The following SOX8 variants were observed in gnomAD, a reference collection of about 807,000 sequenced individuals.
SOX8 encodes the protein transcription factor SOX-8.
SOX8 carries 9 observed loss-of-function variants against 22.9 expected under a neutral mutation model. The observed-to-expected ratio is 0.39, with a 90% CI of 0.24 to 0.69. The LOEUF is 0.69. Ranked by LOEUF, SOX8 falls within the 30% of genes least tolerant of loss-of-function variation. The pLI, the probability that SOX8 is intolerant of heterozygous loss-of-function variation, is 0.43. For synonymous variants in SOX8, 416 were observed against 330.6 expected (o/e 1.26, Z -2.80); for missense variants, 734 against 699.4 (o/e 1.05, Z -0.56).
chr16:984,438 T>C (rs1359462972), intron 2 of SOX8, among the ~76,000 whole-genome samples: 3 of 152,212 alleles, frequency 2.0e-5, no homozygotes, highest in Non-Finnish European at 4.4e-5. Context: ...CTGGCCAGGC[T>C]GGGCCTGTCG....
At position 985,188 on chromosome 16, in the gene SOX8, C is replaced by A; in HGVS notation, c.1143C>A (p.Gly381=). The A allele has an allele frequency of 6.2e-7, 1 of 1,611,238 alleles. No individual in the cohort carries two copies. Among genetic ancestry groups the A allele is most frequent in the Non-Finnish European group, 8.5e-7 (1 of 1,179,260 alleles). ...CCGGCCCCTTCGCCGGCTCACAGGG[C>A]GACTATGGCGACCTGCAGGCCTCCA... is the stretch of plus-strand genomic sequence containing the variant. ...APAGPFAGSQ[G]DYGDLQASSY... is the part of the protein sequence containing the mutation. Residue 381 remains glycine, a synonymous_variant, in exon 3 of 3, where the codon GGC becomes GGA. Coordinates refer to ENST00000293894, the MANE Select transcript of SOX8 (RefSeq NM_014587.5).
chr16:986,638 C>T lies in SOX8; in HGVS notation c.*1252C>T, dbSNP rs1205075841. 6.6e-6 allele frequency: 1 copy of T among 152,504 alleles called. No homozygotes were observed. The highest frequency in any genetic ancestry group is 1.5e-5 in the Non-Finnish European group (1 of 68,058). The allele number at this position is 152,504 out of a possible 1,614,324, so 9.4% of individuals were successfully genotyped here. ...TACCTGATTCACCTGCACTGCTTCCCCTGTGTGCTGAGCATAGAGCATACA... is the reference window on the plus strand; with the variant it reads ...TACCTGATTCACCTGCACTGCTTCCTCTGTGTGCTGAGCATAGAGCATACA... On this transcript the variant is annotated 3_prime_UTR_variant, in exon 3 of 3. Coordinates refer to ENST00000293894, the MANE Select transcript of SOX8 (RefSeq NM_014587.5).
rs1285756042 is a variant in SOX8, at chr16:982,053, G to A, written c.131G>A (p.Arg44His). The change falls in exon 1 of 3, where the codon CGC (arginine) becomes CAC (histidine). Residue 44 changes from arginine to histidine, a missense_variant. Transcript: ENST00000293894. ...CCCGCCGGCTCCGAGGGCCTGGGCC[G>A]CGCGGGGGTCGCGGTGGGGGGCGCC... The part of the protein sequence containing the change: ...PSPAGSEGLG[R>H]AGVAVGGARG... 1.5e-6 allele frequency: 2 copies of A among 1,299,856 alleles called. No individual in the cohort carries two copies. Among genetic ancestry groups the A allele is most frequent in the South Asian group, 2.5e-5 (1 of 40,420 alleles). The allele number at this position is 1,299,856 out of a possible 1,614,324, so 80.5% of individuals were successfully genotyped here.
chr16:984,137 C>T (rs2073433421), intron 2 of SOX8, among the ~76,000 whole-genome samples, 177 bp downstream of exon 2: 1 of 152,190 alleles, frequency 6.6e-6, no homozygotes, highest in African/African-American at 2.4e-5. Flanking sequence ...TTTTGGTGCA[C>T]GAGGGACCTG....
At position 985,211 on chromosome 16, in the gene SOX8, C is replaced by T; in HGVS notation, c.1166C>T (p.Ser389Phe). 1 of 1,611,998 alleles carries T rather than the reference C, an allele frequency of 6.2e-7. No individual in the cohort carries two copies. Among genetic ancestry groups the T allele is most frequent in the Non-Finnish European group, 8.5e-7 (1 of 1,179,556 alleles). Residue 389 changes from serine to phenylalanine, a missense_variant, in exon 3 of 3, where the codon TCC becomes TTC. Ser to Phe is a radical substitution (Grantham distance 155, BLOSUM62 -2). Around this residue, in one of 3 missense-constraint regions of SOX8, gnomAD observed 588 missense variants for 568.2 expected, o/e 1.03. Coordinates refer to ENST00000293894, the MANE Select transcript of SOX8 (RefSeq NM_014587.5). Reference sequence around the variant, plus strand: ...GGCGACTATGGCGACCTGCAGGCCTCCAGCTACTATGGTGCCTACCCTGGC... The same window carrying T: ...GGCGACTATGGCGACCTGCAGGCCTTCAGCTACTATGGTGCCTACCCTGGC... ...SQGDYGDLQASSYYGAYPGYA... is the reference protein window; with the variant it reads ...SQGDYGDLQAFSYYGAYPGYA...
rs1025737505 is a variant in SOX8 at position 986,286 on chromosome 16, C to T, written c.*900C>T. On this transcript the variant is annotated 3_prime_UTR_variant, in exon 3 of 3. Coordinates refer to ENST00000293894, the MANE Select transcript of SOX8 (RefSeq NM_014587.5). The stretch of plus-strand genomic sequence containing the variant: ...CCCCTCATGCCTCGAGCTTGGCAAC[C>T]GAAAACCCGAGGGAGGAGAAGGGAC... The T allele has an allele frequency of 5.3e-5, 8 of 152,220 alleles. No individual in the cohort carries two copies. The highest frequency in any genetic ancestry group is 2.0e-4 in the Admixed American group (3 of 15,282). 9.4% of individuals were successfully genotyped at this position (152,220 alleles called of 1,614,324 possible). A position where few individuals can be genotyped will look rare whatever the true frequency, so the allele number is the denominator to read the frequency against.
rs1398150964 is a variant in SOX8 at position 982,059 on chromosome 16, G to A, written c.137G>A (p.Gly46Glu). The change falls in exon 1 of 3, where the codon GGG becomes GAG. Residue 46 changes from glycine to glutamate, a missense_variant. By Grantham distance (98) the Gly-to-Glu change is moderately conservative. Around this residue, in one of 3 missense-constraint regions of SOX8, gnomAD observed 139 missense variants for 109.1 expected, o/e 1.27. Transcript: ENST00000293894. ...GGCTCCGAGGGCCTGGGCCGCGCGGGGGTCGCGGTGGGGGGCGCCCGGGGC... is the reference window on the plus strand; with the variant it reads ...GGCTCCGAGGGCCTGGGCCGCGCGGAGGTCGCGGTGGGGGGCGCCCGGGGC... ...PAGSEGLGRAGVAVGGARGDP... is the reference protein window; with the variant it reads ...PAGSEGLGRAEVAVGGARGDP... 2 of 1,295,672 alleles carry A rather than the reference G, an allele frequency of 1.5e-6. No individual in the cohort carries two copies. The highest frequency in any genetic ancestry group is 4.2e-5 in the Admixed American group (1 of 23,784). 80.3% of individuals were successfully genotyped at this position (1,295,672 alleles called of 1,614,324 possible).
At position 981,957 on chromosome 16, in the gene SOX8, C is replaced by T. The variant is rs1202051356; in HGVS notation, c.35C>T (p.Pro12Leu). The change falls in exon 1 of 3, where the codon CCC (proline) becomes CTC (leucine). Residue 12 changes from proline to leucine, a missense_variant. Coordinates refer to ENST00000293894, the MANE Select transcript of SOX8 (RefSeq NM_014587.5). ...LDMSEARSQP[P>L]CSPSGTASSM... is the part of the protein sequence containing the mutation. ...ATGAGCGAGGCCCGCTCCCAGCCGCCCTGCAGCCCGTCCGGCACCGCCAGC... is the reference window on the plus strand; with the variant it reads ...ATGAGCGAGGCCCGCTCCCAGCCGCTCTGCAGCCCGTCCGGCACCGCCAGC... 2 of 1,434,460 alleles carry T rather than the reference C, an allele frequency of 1.4e-6. No homozygotes were observed. The highest frequency in any genetic ancestry group is 3.0e-5 in the African/African-American group (2 of 67,396). The allele number at this position is 1,434,460 out of a possible 1,614,324, so 88.9% of individuals were successfully genotyped here.
intron 1 of SOX8, chr16:982,626 G>T (rs2073409884): frequency 2.9e-6 from 1 of 349,574 alleles, no homozygotes; most frequent in Admixed American, 4.8e-5. Flanking sequence ...TCCTGGCGGG[G>T]AACACCCTGC....
chr16:984,817 A>G lies in SOX8; in HGVS notation c.772A>G (p.Asn258Asp). 6.2e-7 allele frequency: 1 copy of G among 1,612,038 alleles called. No homozygotes were observed. Among genetic ancestry groups the G allele is most frequent in the Non-Finnish European group, 8.5e-7 (1 of 1,179,522 alleles). Residue 258 changes from asparagine (N) to aspartate (D), a missense_variant, in exon 3 of 3, where the codon AAC (asparagine) becomes GAC (aspartate). This residue lies in a region of SOX8 where 588 missense variants were observed against 568.2 expected (regional missense o/e 1.03). Transcript: ENST00000293894. Reference protein sequence around the residue: ...GRRPVDSGRQNIDFSNVDISE... With the variant: ...GRRPVDSGRQDIDFSNVDISE... ...CCGGCCGGTGGACAGCGGGCGCCAG[A>G]ACATCGACTTCAGCAACGTGGACAT...
intron 2 of SOX8, 49 bp from the exon 3 acceptor site, chr16:984,652 G>A (rs759142028): frequency 3.9e-5 from 43 of 1,109,456 alleles, no homozygotes; most frequent in Middle Eastern, 2.9e-4. Context: ...GGCCCCACCC[G>A]CCCCACAGAA....
At chr16:984,668 A>G (rs2073438286) in intron 2 of SOX8, 33 bp from the exon 3 acceptor site, 1 of 1,361,576 alleles carries the variant, frequency 7.3e-7, no homozygotes, top group African/African-American at 1.5e-5. Context: ...CAGAAGGGGC[A>G]TTCATCCCTG....
chr16:981,867 C>A lies in SOX8; in HGVS notation c.-56C>A, dbSNP rs2073389696. On this transcript the variant is annotated 5_prime_UTR_variant, in exon 1 of 3. Coordinates refer to ENST00000293894, the MANE Select transcript of SOX8 (RefSeq NM_014587.5). Reference sequence around the variant, plus strand: ...GTCCCGGAGCGACCGCAGGGCAGCCCCGGGCGCCGGCCCCGGTGCGCGTCT... The same window carrying A: ...GTCCCGGAGCGACCGCAGGGCAGCCACGGGCGCCGGCCCCGGTGCGCGTCT... The A allele has an allele frequency of 9.1e-7, 1 of 1,096,394 alleles. No individual in the cohort carries two copies. The highest frequency in any genetic ancestry group is 1.1e-6 in the Non-Finnish European group (1 of 895,480). The allele number at this position is 1,096,394 out of a possible 1,614,324, so 67.9% of individuals were successfully genotyped here.
rs371779621 is a variant in SOX8, at chr16:982,494, G to A, written c.422+150G>A. Reference sequence around the variant, plus strand: ...GCACCCCGGGCGGGTGTCAGGGCGGGTCCCAGTGGAAAAACATCCTCTGGC... The same window carrying A: ...GCACCCCGGGCGGGTGTCAGGGCGGATCCCAGTGGAAAAACATCCTCTGGC... On this transcript the variant is annotated intron_variant, in intron 1 of 2. Transcript: ENST00000293894. 1.5e-3 allele frequency: 1,296 copies of A among 886,394 alleles called. 16 individuals are homozygous for A. The African/African-American group carries it at 0.02, about 14-fold the overall frequency. 54.9% of individuals were successfully genotyped at this position (886,394 alleles called of 1,614,324 possible). A position where few individuals can be genotyped will look rare whatever the true frequency, so the allele number is the denominator to read the frequency against.
In SOX8 at chr16:985,097, A is replaced by C; in HGVS notation, c.1052A>C (p.Gln351Pro). 1 of 1,591,290 alleles carries C rather than the reference A, an allele frequency of 6.3e-7. No individual in the cohort carries two copies. Among genetic ancestry groups the C allele is most frequent in the Middle Eastern group, 1.8e-4 (1 of 5,624 alleles). The change falls in exon 3 of 3, where the codon CAG (glutamine) becomes CCG (proline). Residue 351 changes from glutamine (Q) to proline (P), a missense_variant. This residue lies in a region of SOX8 where 588 missense variants were observed against 568.2 expected (regional missense o/e 1.03). Transcript: ENST00000293894. Reference sequence around the variant, plus strand: ...CCGAGCCCCGGCCACTACGGCGACCAGCCCCGAGGCTCGCCCGACTACGGT... The same window carrying C: ...CCGAGCCCCGGCCACTACGGCGACCCGCCCCGAGGCTCGCCCGACTACGGT... Reference protein sequence around the residue: ...EQPSPGHYGDQPRGSPDYGSC... With the variant: ...EQPSPGHYGDPPRGSPDYGSC...
In SOX8 at chr16:981,976, C is replaced by T. The variant is rs746282463; in HGVS notation, c.54C>T (p.Thr18=). 3.5e-6 allele frequency: 5 copies of T among 1,447,918 alleles called. No homozygotes were observed. Among genetic ancestry groups the T allele is most frequent in the Middle Eastern group, 2.6e-4 (1 of 3,864 alleles). The allele number at this position is 1,447,918 out of a possible 1,614,324, so 89.7% of individuals were successfully genotyped here. A position where few individuals can be genotyped will look rare whatever the true frequency, so the allele number is the denominator to read the frequency against. Residue 18 remains threonine (T), a synonymous_variant, in exon 1 of 3, where the codon ACC becomes ACT. Transcript: ENST00000293894. ...AGCCGCCCTGCAGCCCGTCCGGCAC[C>T]GCCAGCTCCATGTCGCACGTGGAGG... is the stretch of plus-strand genomic sequence containing the variant. The part of the protein sequence containing the change: ...RSQPPCSPSG[T]ASSMSHVEDS...
chr16:985,340 C>A lies in SOX8; in HGVS notation c.1295C>A (p.Thr432Asn). ...GLALPPAHSP[T>N]SHWDQPVYTT... ...GCCCTGCCGCCCGCCCACAGCCCCACCAGTCACTGGGACCAGCCGGTGTAC... is the reference window on the plus strand; with the variant it reads ...GCCCTGCCGCCCGCCCACAGCCCCAACAGTCACTGGGACCAGCCGGTGTAC... Residue 432 changes from threonine to asparagine, a missense_variant, in exon 3 of 3, where the codon ACC becomes AAC. Coordinates refer to ENST00000293894, the MANE Select transcript of SOX8 (RefSeq NM_014587.5). The A allele has an allele frequency of 6.3e-7, 1 of 1,593,376 alleles. No homozygotes were observed. Among genetic ancestry groups the A allele is most frequent in the Non-Finnish European group, 8.5e-7 (1 of 1,174,906 alleles).
Position 985,501 on chromosome 16 carries a change from G to A in SOX8, c.*115G>A. 1 of 864,888 alleles carries A rather than the reference G, an allele frequency of 1.2e-6. No individual in the cohort carries two copies. The highest frequency in any genetic ancestry group is 1.7e-6 in the Non-Finnish European group (1 of 586,938). 53.6% of individuals were successfully genotyped at this position (864,888 alleles called of 1,614,324 possible). On this transcript the variant is annotated 3_prime_UTR_variant, in exon 3 of 3. Transcript: ENST00000293894. ...GGCTGAGCTCCAAGTGCCTGCTGAA[G>A]TCTGCAGGGAAACACGCTTGCTGCC...
chr16:981,783 C>T lies in SOX8; in HGVS notation c.-140C>T. 2 of 199,126 alleles carry T rather than the reference C, an allele frequency of 1.0e-5. No homozygotes were observed. Among genetic ancestry groups the T allele is most frequent in the Non-Finnish European group, 1.4e-5 (2 of 138,512 alleles). The allele number at this position is 199,126 out of a possible 1,614,324, so 12.3% of individuals were successfully genotyped here. A position where few individuals can be genotyped will look rare whatever the true frequency, so the allele number is the denominator to read the frequency against. On this transcript the variant is annotated 5_prime_UTR_variant, in exon 1 of 3. Transcript: ENST00000293894. ...GGGTCCCGCAGCGGGACCCGAGCCT[C>T]GGCGGCGGCGGCGGCGGCGGCAGGG... is the stretch of plus-strand genomic sequence containing the variant.
Sources: gnomAD v4.1 joint callset for allele counts (sites outside exome capture counted in the v4.1 genomes callset) on GRCh38, gnomAD v4.1.1 for gene constraint, gnomAD v4.1.1 regional missense constraint, MANE v1.5 for transcripts, NCBI Gene and HGNC (gene_info 2026-07-23, HGNC 2026-07-21) for gene names.